Variants in RABGAP1 observed in about 807,000 individuals in gnomAD.
The protein encoded by RABGAP1 is rab GTPase-activating protein 1.
RABGAP1 carries 23 observed loss-of-function variants against 137.6 expected under a neutral mutation model. The observed-to-expected ratio is 0.17, with a 90% CI of 0.12 to 0.24. RABGAP1 has a LOEUF of 0.24. Ranked by LOEUF, RABGAP1 falls within the 10% of genes least tolerant of loss-of-function variation. RABGAP1 has a pLI of 1.00. For missense variants in RABGAP1, 906 were observed against 1,275.8 expected (o/e 0.71, Z 4.42); for synonymous variants, 451 against 450.7 (o/e 1.00, Z -0.01).
chr9:122,954,780 A>C (rs1834419570), intron 1 of RABGAP1, among the ~76,000 whole-genome samples: 1 of 152,230 alleles, frequency 6.6e-6, no homozygotes, highest in Non-Finnish European at 1.5e-5. Context: ...AAAGCTTCAT[A>C]ATCGAGTGGA....
the RABGAP1 span, among the ~76,000 whole-genome samples, chr9:122,934,543 C>A: frequency 7.9e-5 from 12 of 152,270 alleles, no homozygotes; most frequent in East Asian, 1.9e-3. Context: ...CACTCTGTTG[C>A]CCAGGCTGGA....
chr9:123,006,601 T>C (rs1332741022), intron 10 of RABGAP1, among the ~76,000 whole-genome samples: 1 of 152,134 alleles, frequency 6.6e-6, no homozygotes, highest in African/African-American at 2.4e-5. Context: ...ATGTAGACTT[T>C]ATTTTTATTT....
chr9:122,989,748 A>T, intron 5 of RABGAP1: 1 of 516,828 alleles, frequency 1.9e-6, no homozygotes, highest in East Asian at 3.2e-5. Context: ...AGATTTGCAA[A>T]CCATTCTTTT....
rs753521030 is a variant in RABGAP1, at chr9:123,073,624, C to G, written c.2056C>G (p.Gln686Glu). The change falls in exon 16 of 26, where the codon CAA (glutamine) becomes GAA (glutamate). Residue 686 changes from glutamine (Q) to glutamate (E), a missense_variant. Around this residue, in one of 9 missense-constraint regions of RABGAP1, gnomAD observed 25 missense variants for 31.7 expected, o/e 0.79. Coordinates refer to ENST00000373647, the MANE Select transcript of RABGAP1 (RefSeq NM_012197.4). Reference sequence around the variant, plus strand: ...CTATGGGCTCAGGGAACTTTTCAAGCAAAACTTCGAAGATTTGCATTGCAA... The same window carrying G: ...CTATGGGCTCAGGGAACTTTTCAAGGAAAACTTCGAAGATTTGCATTGCAA... ...FDYGLRELFKQNFEDLHCKFY... is the reference protein window; with the variant it reads ...FDYGLRELFKENFEDLHCKFY... The G allele has an allele frequency of 6.8e-6, 11 of 1,613,898 alleles. No individual in the cohort carries two copies. The highest frequency in any genetic ancestry group is 8.5e-6 in the Non-Finnish European group (10 of 1,179,844).
chr9:123,069,949 A>G (rs749222074), intron 14 of RABGAP1, among the ~76,000 whole-genome samples: 2 of 152,232 alleles, frequency 1.3e-5, no homozygotes, highest in African/African-American at 2.4e-5. Context: ...AGCAGGTGCC[A>G]TAGAGGCAGA....
chr9:122,956,983 G>A (rs1022622727), intron 1 of RABGAP1, 28 bp from the exon 2 acceptor site: 301 of 1,177,878 alleles, frequency 2.6e-4, no homozygotes, highest in Non-Finnish European at 3.2e-4. Context: ...CATTCTATAT[G>A]AGTATCTTTA....
intron 1 of RABGAP1, among the ~76,000 whole-genome samples, chr9:122,955,067 T>TA (rs1302170096): frequency 6.6e-6 from 1 of 152,176 alleles, no homozygotes; most frequent in Non-Finnish European, 1.5e-5. Context: ...AGAAGACTAC[T>TA]AAGAGAGGGA....
chr9:123,064,038 G>GCTCTCA (rs528556789), intron 13 of RABGAP1, among the ~76,000 whole-genome samples: 3 of 151,916 alleles, frequency 2.0e-5, no homozygotes, highest in Non-Finnish European at 4.4e-5. Flanking sequence ...TCTCTCACTC[G>GCTCTCA]CTCTCACTCT....
intron 1 of RABGAP1, among the ~76,000 whole-genome samples, chr9:122,949,659 C>T (rs1253301917): frequency 7.2e-6 from 1 of 138,418 alleles, no homozygotes; most frequent in Non-Finnish European, 1.5e-5. Context: ...CATACCACTG[C>T]ATCCAGCCTG....
intron 13 of RABGAP1, chr9:123,034,965 A>G: frequency 6.2e-7 from 1 of 1,613,378 alleles, no homozygotes; most frequent in Non-Finnish European, 8.5e-7. Flanking sequence ...CCATTACTAA[A>G]CCTTTAACCT....
intron 6 of RABGAP1, among the ~76,000 whole-genome samples, chr9:122,993,338 C>T (rs1836844039): frequency 6.6e-6 from 1 of 152,046 alleles, no homozygotes; most frequent in Non-Finnish European, 1.5e-5. Flanking sequence ...ATGGCGTGAT[C>T]TTGGCTCATT....
intron 2 of RABGAP1, among the ~76,000 whole-genome samples, chr9:122,967,867 C>G (rs1835253506): frequency 6.6e-6 from 1 of 151,516 alleles, no homozygotes; most frequent in Non-Finnish European, 1.5e-5. Context: ...GCTGGGATCA[C>G]AAGCACACAC....
At chr9:123,081,962 TACC>T (rs1328996022) in intron 19 of RABGAP1, among the ~76,000 whole-genome samples, 1 of 152,134 alleles carries the variant, frequency 6.6e-6, no homozygotes, top group East Asian at 1.9e-4. Flanking sequence ...CACTGTCTCT[TACC>T]ATTGCAAAGG....
intron 2 of RABGAP1, among the ~76,000 whole-genome samples, chr9:122,973,166 AC>A (rs1309486079): frequency 1.3e-5 from 2 of 152,250 alleles, no homozygotes; most frequent in Non-Finnish European, 2.9e-5. Flanking sequence ...CTTAGCTCTT[AC>A]CCAAAGATAC....
chr9:122,985,571 C>T (rs1836325509), intron 3 of RABGAP1, among the ~76,000 whole-genome samples: 1 of 148,328 alleles, frequency 6.7e-6, no homozygotes, highest in South Asian at 2.1e-4. Flanking sequence ...CGAGATTGTT[C>T]CACTGCACTT....
At chr9:122,996,368 C>A in intron 7 of RABGAP1, 171 bp from the exon 8 acceptor site, 1 of 1,089,518 alleles carries the variant, frequency 9.2e-7, no homozygotes, top group Non-Finnish European at 1.3e-6. Flanking sequence ...AAAAGGCAAA[C>A]GGAATTAGCT....
intron 13 of RABGAP1, among the ~76,000 whole-genome samples, chr9:123,021,277 C>G (rs2031612377): frequency 7.3e-6 from 1 of 137,926 alleles, no homozygotes; most frequent in African/African-American, 2.8e-5. Context: ...TGATATCTCT[C>G]TGTAAAGCTG....
Position 123,070,846 on chromosome 9 carries a change from C to T in RABGAP1, c.1983+422C>T, listed in dbSNP as rs1328979582. Among the ~76,000 whole-genome samples the T allele has an allele frequency of 1.3e-5, 2 of 152,140 alleles. No individual in the cohort carries two copies. Among genetic ancestry groups the T allele is most frequent in the African/African-American group, 4.8e-5 (2 of 41,418 alleles). ...TGGCTTAGCAAACACCTTTGCCCTC[C>T]ACCTTTTTTATTTTCTTTCAAATCC... On this transcript the variant is annotated intron_variant, in intron 15 of 25. Transcript: ENST00000373647. This position sits in a 1 kb window ranked among gnomAD's most constrained non-coding sequence, Gnocchi z 4.4.
At chr9:122,943,636 A>G (rs1833747650) in intron 1 of RABGAP1, among the ~76,000 whole-genome samples, 1 of 152,120 alleles carries the variant, frequency 6.6e-6, no homozygotes, top group African/African-American at 2.4e-5. Flanking sequence ...TTATTAACTG[A>G]ACTTTGTAGC....
Sources: allele counts gnomAD v4.1 joint callset (sites outside exome capture counted in the v4.1 genomes callset), GRCh38; gene constraint gnomAD v4.1.1; regional missense constraint gnomAD v4.1.1; non-coding constraint Gnocchi (gnomAD v3.1); transcripts MANE v1.5; gene names NCBI Gene and HGNC (gene_info 2026-07-23, HGNC 2026-07-21).